PTPRD: variants seen among roughly 807,000 people sequenced by gnomAD.
PTPRD encodes protein tyrosine phosphatase receptor type D, also known as receptor-type tyrosine-protein phosphatase delta.
Under a neutral mutation model 214.5 loss-of-function variants are expected in PTPRD, and 34 were observed. The ratio of observed to expected loss-of-function variants is 0.16; its 90% CI spans 0.12 to 0.21. The LOEUF (loss-of-function observed/expected upper bound fraction) is 0.21. Among genes scored for constraint, PTPRD ranks in the 10% least tolerant of loss-of-function variants. PTPRD has a pLI of 1.00. For missense variants in PTPRD, 2,545 were observed against 2,398.7 expected, an observed-to-expected ratio of 1.06 and a Z score of -1.27; for synonymous variants, 1,128 against 845.7, an observed-to-expected ratio of 1.33 and a Z score of -5.79.
intron 9 of PTPRD, among the ~76,000 whole-genome samples, chr9:9,323,210 T>C (rs116776787): frequency 0.013 from 2,027 of 151,950 alleles, 45 homozygotes; most frequent in African/African-American, 0.047. Context: ...CTCTGTATTT[T>C]ATCACGATGA....
chr9:9,019,325 A>AAAGAAAGAAAGAAAGAAAGG (rs1569429511), intron 10 of PTPRD, among the ~76,000 whole-genome samples: 1 of 63,418 alleles, frequency 1.6e-5, no homozygotes, highest in Non-Finnish European at 3.5e-5. Flanking sequence ...AGAAAGAAAG[A>AAAGAAAGAAAGAAAGAAAGG]AAGAAAGAAA....
intron 11 of PTPRD, among the ~76,000 whole-genome samples, chr9:8,773,514 T>A (rs536869880): frequency 1.3e-5 from 2 of 152,332 alleles, no homozygotes; most frequent in East Asian, 3.9e-4. Context: ...CACTGTTGCA[T>A]GTATTTTATC....
chr9:8,500,239 C>T (rs778449000), intron 24 of PTPRD, among the ~76,000 whole-genome samples: 3 of 151,536 alleles, frequency 2.0e-5, no homozygotes, highest in South Asian at 2.1e-4. Flanking sequence ...TCTTTTTAAA[C>T]GGCAGAATAA....
At chr9:8,742,131 A>C (rs2092078443) in intron 11 of PTPRD, among the ~76,000 whole-genome samples, 1 of 152,168 alleles carries the variant, frequency 6.6e-6, no homozygotes, top group African/African-American at 2.4e-5. Context: ...TATGACCAAT[A>C]AACTAATATG....
At chr9:9,368,309 G>A (rs947755591) in intron 9 of PTPRD, among the ~76,000 whole-genome samples, 1 of 107,148 alleles carries the variant, frequency 9.3e-6, no homozygotes, top group African/African-American at 3.7e-5. Flanking sequence ...AGGTTTATAT[G>A]AGCTCACATG....
intron 10 of PTPRD, among the ~76,000 whole-genome samples, chr9:9,030,434 CACAG>C (rs776841146): frequency 2.6e-5 from 4 of 151,678 alleles, no homozygotes; most frequent in Non-Finnish European, 4.4e-5. Context: ...CAACACTTAC[CACAG>C]ACAGACTGAT....
chr9:8,975,301 C>G (rs2099262288), intron 11 of PTPRD, among the ~76,000 whole-genome samples: 1 of 151,940 alleles, frequency 6.6e-6, no homozygotes, highest in Non-Finnish European at 1.5e-5. Context: ...TAAACAATCA[C>G]TTTGTTTCAA....
At chr9:8,365,891 T>C (rs914176175) in intron 39 of PTPRD, among the ~76,000 whole-genome samples, 7 of 152,122 alleles carry the variant, frequency 4.6e-5, no homozygotes, top group South Asian at 2.1e-4. Context: ...TCAGGAGAGA[T>C]AGGCAGAAGA....
chr9:9,578,491 A>G (rs539754837), intron 7 of PTPRD, among the ~76,000 whole-genome samples: 4 of 152,132 alleles, frequency 2.6e-5, no homozygotes, highest in Admixed American at 2.6e-4. Flanking sequence ...TGGGGGAGGG[A>G]GAGGAAATTG....
intron 12 of PTPRD, among the ~76,000 whole-genome samples, chr9:8,654,815 C>T (rs999274266): frequency 6.6e-6 from 1 of 152,050 alleles, no homozygotes; most frequent in Non-Finnish European, 1.5e-5. Flanking sequence ...GGATTTTAGT[C>T]ATTAGGAAGG....
At chr9:10,396,456 A>C (rs761599652) in intron 2 of PTPRD, among the ~76,000 whole-genome samples, 4 of 151,896 alleles carry the variant, frequency 2.6e-5, no homozygotes, top group Non-Finnish European at 4.4e-5. Context: ...TTTAGGATCT[A>C]ATTATCTAAA....
intron 7 of PTPRD, among the ~76,000 whole-genome samples, chr9:9,708,525 C>T (rs1394113466): frequency 1.3e-5 from 2 of 152,012 alleles, no homozygotes; most frequent in Admixed American, 6.6e-5. Flanking sequence ...TATTCCTATA[C>T]TAGTGAGCTA....
At chr9:8,540,389 C>T (rs2078099055) in intron 14 of PTPRD, among the ~76,000 whole-genome samples, 1 of 151,976 alleles carries the variant, frequency 6.6e-6, no homozygotes. Context: ...AAAAAGTTAA[C>T]TCTAAAAATA....
intron 3 of PTPRD, among the ~76,000 whole-genome samples, chr9:10,149,813 C>A (rs537876925): frequency 5.9e-5 from 9 of 151,702 alleles, no homozygotes; most frequent in East Asian, 3.9e-4. Flanking sequence ...TCCTTGCAAC[C>A]TTTGCCTCCC....
At chr9:8,689,424 G>C (rs1255364038) in intron 12 of PTPRD, among the ~76,000 whole-genome samples, 1 of 152,190 alleles carries the variant, frequency 6.6e-6, no homozygotes, top group Non-Finnish European at 1.5e-5. Context: ...GGAAGAAAAA[G>C]AGGTTTAACT....
chr9:9,434,926 C>G (rs908082441), intron 8 of PTPRD, among the ~76,000 whole-genome samples: 3 of 149,100 alleles, frequency 2.0e-5, no homozygotes, highest in African/African-American at 7.3e-5. Flanking sequence ...TTAAAGTATC[C>G]TCTGTTTTCA....
chr9:9,709,674 C>G (rs892356942), intron 7 of PTPRD, among the ~76,000 whole-genome samples: 9 of 151,972 alleles, frequency 5.9e-5, no homozygotes, highest in Non-Finnish European at 1.2e-4. Flanking sequence ...TGGAGCAGAT[C>G]ATTTCTGTTT....
At chr9:10,314,186 T>C (rs2096355757) in intron 3 of PTPRD, among the ~76,000 whole-genome samples, 1 of 151,924 alleles carries the variant, frequency 6.6e-6, no homozygotes, top group Non-Finnish European at 1.5e-5. Flanking sequence ...GGTAGATACA[T>C]ACAAAATGCA....
intron 2 of PTPRD, among the ~76,000 whole-genome samples, chr9:10,557,807 G>C (rs1038690046): frequency 6.6e-6 from 1 of 152,168 alleles, no homozygotes; most frequent in African/African-American, 2.4e-5. Context: ...GTTTGCAGAA[G>C]AAGTGTTTCA....
Sources: gnomAD v4.1 joint callset for allele counts (sites outside exome capture counted in the v4.1 genomes callset) on GRCh38, gnomAD v4.1.1 for gene constraint, MANE v1.5 for transcripts, NCBI Gene and HGNC (gene_info 2026-07-23, HGNC 2026-07-21) for gene names.